ADGB: variants seen among roughly 807,000 people sequenced by gnomAD.
The protein encoded by ADGB is calpain-7-like protein.
In ADGB, 172 loss-of-function variants were observed where a neutral mutation model predicts 210.5. The observed-to-expected ratio is 0.82, with a 90% confidence interval of 0.72 to 0.93. The LOEUF is 0.93. ADGB is among the 40% of genes least tolerant of loss of function. ADGB has a pLI of 0.00. For missense variants in ADGB, 2,025 were observed against 1,964.8 expected (o/e 1.03, Z -0.58); for synonymous variants, 658 against 662.7 (o/e 0.99, Z 0.11).
chr6:146,765,514 G>A (rs1466886663), intron 28 of ADGB, among the ~76,000 whole-genome samples: 1 of 151,462 alleles, frequency 6.6e-6, no homozygotes, highest in Non-Finnish European at 1.5e-5. Context: ...CTATCATATA[G>A]TATGTTATCT....
At chr6:146,680,895 T>C (rs748183443) in intron 9 of ADGB, among the ~76,000 whole-genome samples, 1 of 152,148 alleles carries the variant, frequency 6.6e-6, no homozygotes, top group African/African-American at 2.4e-5. Context: ...AAGAGAGCCA[T>C]GCTCCTCCCT....
chr6:146,785,827 T>C, intron 32 of ADGB, 115 bp downstream of exon 32: 1 of 752,608 alleles, frequency 1.3e-6, no homozygotes, highest in East Asian at 2.7e-5. Context: ...AGAATCTCGT[T>C]TCTTGAGGAT....
intron 32 of ADGB, among the ~76,000 whole-genome samples, chr6:146,786,655 T>C (rs1320141738): frequency 1.3e-5 from 2 of 152,150 alleles, no homozygotes; most frequent in Non-Finnish European, 2.9e-5. Flanking sequence ...AGCCACCTTA[T>C]TCTTCCTAAG....
At chr6:146,695,611 T>C (rs1047907427) in intron 12 of ADGB, among the ~76,000 whole-genome samples, 1 of 151,726 alleles carries the variant, frequency 6.6e-6, no homozygotes, top group Non-Finnish European at 1.5e-5. Context: ...AGTTAATTAA[T>C]ATTATATAAA....
chr6:146,672,974 A>G (rs1583584081), intron 8 of ADGB, among the ~76,000 whole-genome samples: 1 of 151,674 alleles, frequency 6.6e-6, no homozygotes, highest in Non-Finnish European at 1.5e-5. Context: ...CAGGTGATCC[A>G]CCCGCCTCAG....
intron 6 of ADGB, 132 bp from the exon 7 acceptor site, chr6:146,666,684 A>G (rs1001006589): frequency 4.5e-6 from 2 of 447,898 alleles, no homozygotes; most frequent in East Asian, 3.3e-5. Context: ...GGCTTCTGGG[A>G]TAGTATTTTT....
chr6:146,692,120 T>G (rs1479439640), intron 11 of ADGB, among the ~76,000 whole-genome samples: 1 of 152,198 alleles, frequency 6.6e-6, no homozygotes, highest in Non-Finnish European at 1.5e-5. Context: ...AAAGGAAGAA[T>G]AGTGAACATG....
chr6:146,722,125 T>A (rs920558006), intron 17 of ADGB, among the ~76,000 whole-genome samples: 1 of 152,318 alleles, frequency 6.6e-6, no homozygotes, highest in South Asian at 2.1e-4. Context: ...AAAAACGAAC[T>A]ATTTTTCTTT....
At position 146,733,260 on chromosome 6, in the gene ADGB, C is replaced by A. The variant is rs549917272; in HGVS notation, c.2656+5C>A. ...CCTTGGAAGAGGTTTCTTTAGGTAC[C>A]CATGAATTGTATATATTTAATCAAG... On this transcript the variant is annotated splice_donor_5th_base_variant and intron_variant, in intron 21 of 35. Transcript: ENST00000397944. 1.4e-6 allele frequency: 2 copies of A among 1,481,222 alleles called. No individual in the cohort carries two copies. The highest frequency in any genetic ancestry group is 2.6e-5 in the East Asian group (1 of 39,094). The allele number at this position is 1,481,222 out of a possible 1,614,324, so 91.8% of individuals were successfully genotyped here. A position where few individuals can be genotyped will look rare whatever the true frequency, so the allele number is the denominator to read the frequency against.
At chr6:146,712,042 G>A (rs1776664860) in intron 13 of ADGB, among the ~76,000 whole-genome samples, 1 of 139,888 alleles carries the variant, frequency 7.1e-6, no homozygotes, top group African/African-American at 2.5e-5. Context: ...GGGCAACAGA[G>A]CCAGATCCTG....
intron 13 of ADGB, among the ~76,000 whole-genome samples, chr6:146,706,833 G>T (rs1469746010): frequency 4.9e-5 from 6 of 121,416 alleles, no homozygotes; most frequent in East Asian, 5.2e-4. Context: ...TCTTTTCAAA[G>T]ATCAGCTTAG....
At chr6:146,678,662 A>C (rs1421096765) in intron 9 of ADGB, among the ~76,000 whole-genome samples, 3 of 149,116 alleles carry the variant, frequency 2.0e-5, no homozygotes, top group African/African-American at 7.8e-5. Flanking sequence ...CATTACAATA[A>C]AATGACGCTC....
rs984464408 is a variant in ADGB, at chr6:146,680,793, A to G, written c.1216+4352A>G. Among the ~76,000 whole-genome samples the G allele has an allele frequency of 2.6e-5, 4 of 152,278 alleles. No individual in the cohort carries two copies. In the South Asian group the frequency reaches 8.3e-4, roughly 32 times the overall value. ...TCTGTTTTTCCAAAATAAATGGGAA[A>G]AATAGAGAAATTTCTGAGATCACAG... On this transcript the variant is annotated intron_variant, in intron 9 of 35. Coordinates refer to ENST00000397944, the MANE Select transcript of ADGB (RefSeq NM_024694.4).
In ADGB at chr6:146,741,259, T is replaced by C. The variant is rs908249175; in HGVS notation, c.3165T>C (p.Tyr1055=). ...KVFQKVVPYL[Y]TKNKKGYTFV... Reference sequence around the variant, plus strand: ...TCCAAAAAGTGGTGCCTTATCTTTATACCAAGAATAAGGTAGGTATAAAAT... The same window carrying C: ...TCCAAAAAGTGGTGCCTTATCTTTACACCAAGAATAAGGTAGGTATAAAAT... Residue 1055 remains tyrosine, a synonymous_variant, in exon 25 of 36, where the codon TAT becomes TAC. Transcript: ENST00000397944. The C allele has an allele frequency of 5.2e-6, 8 of 1,550,392 alleles. No individual in the cohort carries two copies. Among genetic ancestry groups the C allele is most frequent in the Non-Finnish European group, 7.0e-6 (8 of 1,146,422 alleles).
intron 29 of ADGB, among the ~76,000 whole-genome samples, chr6:146,781,203 C>A (rs1021930270): frequency 2.1e-5 from 3 of 141,358 alleles, no homozygotes; most frequent in Admixed American, 7.3e-5. Flanking sequence ...ATTAGCCGGG[C>A]GTGGTGGCGG....
At chr6:146,767,673 C>A (rs796771668) in intron 28 of ADGB, among the ~76,000 whole-genome samples, 1 of 149,316 alleles carries the variant, frequency 6.7e-6, no homozygotes, top group African/African-American at 2.4e-5. Flanking sequence ...GGGTTCTCTA[C>A]CATGTTGGCC....
At chr6:146,794,059 A>T (rs1455395540) in intron 33 of ADGB, among the ~76,000 whole-genome samples, 1 of 152,102 alleles carries the variant, frequency 6.6e-6, no homozygotes, top group East Asian at 1.9e-4. Flanking sequence ...CTAACCCTAT[A>T]TGTAGGGGTA....
At chr6:146,723,770 G>T (rs1195105839) in intron 17 of ADGB, among the ~76,000 whole-genome samples, 1 of 151,992 alleles carries the variant, frequency 6.6e-6, no homozygotes, top group Admixed American at 6.6e-5. Context: ...TAAACAGTGG[G>T]ATATTTGGAT....
intron 5 of ADGB, among the ~76,000 whole-genome samples, chr6:146,658,044 CAT>C (rs10605990): frequency 0.019 from 2,853 of 152,134 alleles, 95 homozygotes; most frequent in African/African-American, 0.064. Context: ...TTAATAATTC[CAT>C]TATATATTTA....
Sources: allele counts gnomAD v4.1 joint callset (sites outside exome capture counted in the v4.1 genomes callset), GRCh38; gene constraint gnomAD v4.1.1; transcripts MANE v1.5; gene names NCBI Gene and HGNC (gene_info 2026-07-23, HGNC 2026-07-21).